Variants in FRMD3 observed in about 807,000 individuals in gnomAD.
The protein encoded by FRMD3 is FERM domain containing 3.
In FRMD3, 33 loss-of-function variants were observed where a neutral mutation model predicts 70.2. The ratio of observed to expected loss-of-function variants is 0.47; its 90% CI spans 0.36 to 0.63. FRMD3 has a LOEUF of 0.63. Ranked by LOEUF, FRMD3 falls within the 20% of genes least tolerant of loss-of-function variation. The pLI is 0.00. For synonymous variants in FRMD3, 279 were observed against 255.9 expected (o/e 1.09, Z -0.86); for missense variants, 632 against 711.4 (o/e 0.89, Z 1.27).
In FRMD3 at chr9:83,246,169, G is replaced by T; in HGVS notation, c.*1749C>A. 1 of 985,228 alleles carries T rather than the reference G, an allele frequency of 1.0e-6. No homozygotes were observed. Among genetic ancestry groups the T allele is most frequent in the Non-Finnish European group, 1.2e-6 (1 of 829,832 alleles). 61.0% of individuals were successfully genotyped at this position (985,228 alleles called of 1,614,324 possible). ...ATTTAGAAATCATGCTAATGATAGGGTTGGAATGTCATTAGCTAGAGAGAG... is the reference window on the plus strand; with the variant it reads ...ATTTAGAAATCATGCTAATGATAGGTTTGGAATGTCATTAGCTAGAGAGAG... On this transcript the variant is annotated 3_prime_UTR_variant, in exon 14 of 14. Transcript: ENST00000304195.
chr9:83,272,250 G>A (rs1233515588), intron 13 of FRMD3, among the ~76,000 whole-genome samples: 1 of 151,794 alleles, frequency 6.6e-6, no homozygotes, highest in Non-Finnish European at 1.5e-5. Flanking sequence ...ATTGCAGGCG[G>A]GCGCCGCCAC....
At chr9:83,334,682 A>T (rs1823517887) in intron 6 of FRMD3, among the ~76,000 whole-genome samples, 1 of 151,988 alleles carries the variant, frequency 6.6e-6, no homozygotes, top group Non-Finnish European at 1.5e-5. Flanking sequence ...AGACTACTTG[A>T]ATTACCTAAA....
At chr9:83,356,271 A>ATTTTTTTTTTTTTTTTTTTTTTT (rs869149609) in intron 3 of FRMD3, among the ~76,000 whole-genome samples, 1 of 94,462 alleles carries the variant, frequency 1.1e-5, no homozygotes, top group African/African-American at 4.6e-5. Flanking sequence ...ACTCAGCAGC[A>ATTTTTTTTTTTTTTTTTTTTTTT]TTTTTTTTTT....
chr9:83,332,712 G>A (rs1273315885), intron 6 of FRMD3, among the ~76,000 whole-genome samples: 1 of 152,154 alleles, frequency 6.6e-6, no homozygotes, highest in Non-Finnish European at 1.5e-5. Flanking sequence ...GATTCAGAAA[G>A]CAGGAAGGAA....
intron 5 of FRMD3, among the ~76,000 whole-genome samples, chr9:83,339,462 G>A (rs1587742308): frequency 6.6e-6 from 1 of 152,212 alleles, no homozygotes; most frequent in Admixed American, 6.5e-5. Flanking sequence ...TTTCTAAAAG[G>A]ATTCAATTCT....
At chr9:83,305,747 G>A (rs767104677) in intron 10 of FRMD3, among the ~76,000 whole-genome samples, 19 of 152,178 alleles carry the variant, frequency 1.2e-4, no homozygotes, top group South Asian at 8.3e-4. Context: ...AATCTCAGAC[G>A]GCTATAAATA....
At chr9:83,560,872 T>C in the FRMD3 span, among the ~76,000 whole-genome samples, 7 of 152,278 alleles carry the variant, frequency 4.6e-5, no homozygotes, top group African/African-American at 1.7e-4. Flanking sequence ...TTAGGGATGA[T>C]AGAACAATGA....
rs536727896 is a variant in FRMD3 at position 83,418,326 on chromosome 9, G to A, written c.148-28618C>T. Among the ~76,000 whole-genome samples the A allele has an allele frequency of 2.6e-5, 4 of 152,126 alleles. No individual in the cohort carries two copies. In the East Asian group the frequency reaches 7.7e-4, roughly 29 times the overall value. On this transcript the variant is annotated intron_variant, in intron 1 of 13. Coordinates refer to ENST00000304195, the MANE Select transcript of FRMD3 (RefSeq NM_174938.6). The stretch of plus-strand genomic sequence containing the variant: ...TTCTGCACAGAAAAAGAAATAATCA[G>A]CAGAGTAAACAGACAACCCACAGAA...
intron 12 of FRMD3, among the ~76,000 whole-genome samples, chr9:83,298,391 G>C (rs1834763496): frequency 6.6e-6 from 1 of 152,176 alleles, no homozygotes; most frequent in South Asian, 2.1e-4. Flanking sequence ...ATGGGAACGG[G>C]CCAAATATGA....
chr9:83,511,018 T>C (rs898205034), intron 1 of FRMD3, among the ~76,000 whole-genome samples: 3 of 152,180 alleles, frequency 2.0e-5, no homozygotes, highest in African/African-American at 7.2e-5. Context: ...TTACGTGTAT[T>C]AGATCCCAAT....
intron 1 of FRMD3, among the ~76,000 whole-genome samples, chr9:83,410,665 A>G (rs1009107359): frequency 6.6e-6 from 1 of 152,222 alleles, no homozygotes; most frequent in Non-Finnish European, 1.5e-5. Flanking sequence ...ATACATACCC[A>G]GTAATGGGAT....
intron 6 of FRMD3, among the ~76,000 whole-genome samples, chr9:83,314,576 C>T (rs1047276421): frequency 4.6e-5 from 7 of 152,142 alleles, no homozygotes; most frequent in Admixed American, 6.5e-5. Context: ...ATTGTCCCCC[C>T]ACCCCCTCAA....
chr9:83,394,810 A>G (rs985366660), intron 1 of FRMD3, among the ~76,000 whole-genome samples: 4 of 152,132 alleles, frequency 2.6e-5, no homozygotes, highest in Non-Finnish European at 5.9e-5. Flanking sequence ...ACCCCAAAGT[A>G]TGTACTAGGA....
At chr9:83,292,560 T>A (rs1162791585) in intron 12 of FRMD3, among the ~76,000 whole-genome samples, 1 of 152,374 alleles carries the variant, frequency 6.6e-6, no homozygotes, top group East Asian at 1.9e-4. Flanking sequence ...CATATCTATG[T>A]ATAATCCACT....
At chr9:83,402,996 C>T (rs562447870) in intron 1 of FRMD3, among the ~76,000 whole-genome samples, 62 of 149,944 alleles carry the variant, frequency 4.1e-4, no homozygotes, top group African/African-American at 1.4e-3. Context: ...CTCCGCCTCC[C>T]GGGTTCAAGC....
At chr9:83,249,356 C>T (rs1187439620) in intron 13 of FRMD3, among the ~76,000 whole-genome samples, 1 of 152,122 alleles carries the variant, frequency 6.6e-6, no homozygotes, top group Non-Finnish European at 1.5e-5. Flanking sequence ...GATGGGAAAT[C>T]GAGTTACCTA....
chr9:83,311,794 A>G (rs1158052803), intron 8 of FRMD3, 93 bp downstream of exon 8: 5 of 865,978 alleles, frequency 5.8e-6, no homozygotes, highest in Non-Finnish European at 9.6e-6. Context: ...GATACCAGGC[A>G]TTCTACCTGA....
At chr9:83,284,214 G>A (rs34084424) in intron 13 of FRMD3, among the ~76,000 whole-genome samples, 20,212 of 152,018 alleles carry the variant, frequency 0.13, 1,529 homozygotes, top group East Asian at 0.17. Context: ...ACTGGGGTTG[G>A]TCATCACCAG....
intron 1 of FRMD3, among the ~76,000 whole-genome samples, chr9:83,522,725 G>A (rs1296255838): frequency 1.1e-4 from 17 of 151,676 alleles, no homozygotes; most frequent in Admixed American, 9.9e-4. Flanking sequence ...CACCCCGCCC[G>A]GCTAATTTTT....
Sources: allele counts gnomAD v4.1 joint callset (sites outside exome capture counted in the v4.1 genomes callset), GRCh38; gene constraint gnomAD v4.1.1; transcripts MANE v1.5; gene names NCBI Gene and HGNC (gene_info 2026-07-23, HGNC 2026-07-21).